CDH18: variants seen among roughly 807,000 people sequenced by gnomAD.
The protein encoded by CDH18 is cadherin 18.
In CDH18, 31 loss-of-function variants were observed where a neutral mutation model predicts 67.9. The observed-to-expected ratio is 0.46, with a 90% CI of 0.34 to 0.62. CDH18 has a LOEUF of 0.62. Ranked by LOEUF, CDH18 falls within the 20% of genes least tolerant of loss-of-function variation. CDH18 has a pLI of 0.01. For missense variants in CDH18, 890 were observed against 975.5 expected (o/e 0.91, Z 1.17); for synonymous variants, 362 against 347.2 (o/e 1.04, Z -0.48).
intron 2 of CDH18, among the ~76,000 whole-genome samples, chr5:20,097,780 G>C (rs984573202): frequency 2.6e-5 from 4 of 151,782 alleles, no homozygotes; most frequent in Admixed American, 6.6e-5. Flanking sequence ...AATTTTCTTG[G>C]TTGTATTCGA....
At chr5:20,406,033 C>T (rs2150136105) in intron 1 of CDH18, among the ~76,000 whole-genome samples, 1 of 152,222 alleles carries the variant, frequency 6.6e-6, no homozygotes, top group East Asian at 1.9e-4. Context: ...GGCGATTCCT[C>T]AGGGATCTAG....
chr5:20,127,181 A>ACT (rs1428025520), intron 2 of CDH18, among the ~76,000 whole-genome samples: 27 of 151,486 alleles, frequency 1.8e-4, no homozygotes, highest in African/African-American at 6.6e-4. Context: ...CCTGATTGTT[A>ACT]GAAAGTATGT....
At chr5:20,026,141 G>A (rs1447059988) in intron 2 of CDH18, among the ~76,000 whole-genome samples, 5 of 152,140 alleles carry the variant, frequency 3.3e-5, no homozygotes, top group Non-Finnish European at 7.3e-5. Flanking sequence ...CATGACCTGG[G>A]ATTGTTCTTA....
At chr5:20,236,990 T>C (rs1269720508) in intron 2 of CDH18, among the ~76,000 whole-genome samples, 1 of 151,914 alleles carries the variant, frequency 6.6e-6, no homozygotes, top group African/African-American at 2.4e-5. Context: ...TGCATTAAGA[T>C]AAAGATAGCT....
At chr5:20,438,102 T>C (rs563320936) in intron 1 of CDH18, among the ~76,000 whole-genome samples, 6 of 151,406 alleles carry the variant, frequency 4.0e-5, no homozygotes, top group African/African-American at 1.5e-4. Flanking sequence ...AACATCTTCC[T>C]GTTAGCAAGT....
At chr5:19,599,027 A>AT (rs543248622) in intron 6 of CDH18, among the ~76,000 whole-genome samples, 2 of 152,122 alleles carry the variant, frequency 1.3e-5, no homozygotes, top group Non-Finnish European at 2.9e-5. Context: ...CACTAAAATA[A>AT]TTTTTTTAAA....
In CDH18 at chr5:20,095,263, C is replaced by T. The variant is rs1037602647; in HGVS notation, c.-517-103249G>A. 4.2e-5 allele frequency among the ~76,000 whole-genome samples: 6 copies of T among 143,548 alleles called. 1 individual carries two copies. Among genetic ancestry groups the T allele is most frequent in the Admixed American group, 3.6e-4 (5 of 13,838 alleles). The allele number at this position is 143,548 out of a possible 152,430, so 94.2% of individuals were successfully genotyped here. A position where few individuals can be genotyped will look rare whatever the true frequency, so the allele number is the denominator to read the frequency against. ...ACACATGTATACCTATGTAACAAAC[C>T]TGCATGTTCTGCACATATATCCCAG... On this transcript the variant is annotated intron_variant, in intron 2 of 14. Transcript: ENST00000507958.
intron 2 of CDH18, among the ~76,000 whole-genome samples, chr5:20,098,836 G>A (rs991364394): frequency 6.6e-6 from 1 of 152,044 alleles, no homozygotes; most frequent in African/African-American, 2.4e-5. Context: ...ACTTGGTCAT[G>A]AATATTAAAA....
intron 1 of CDH18, among the ~76,000 whole-genome samples, chr5:20,328,369 G>A (rs550004080): frequency 1.3e-5 from 2 of 152,202 alleles, no homozygotes; most frequent in Non-Finnish European, 2.9e-5. Context: ...ATAACAGCAT[G>A]TCCTGCTGGA....
At chr5:19,795,938 T>C (rs1214955033) in intron 3 of CDH18, among the ~76,000 whole-genome samples, 1 of 151,954 alleles carries the variant, frequency 6.6e-6, no homozygotes, top group Non-Finnish European at 1.5e-5. Context: ...GAAAACAAAA[T>C]AACAGGAATG....
intron 2 of CDH18, among the ~76,000 whole-genome samples, chr5:20,037,017 TGAC>T (rs1739933697): frequency 6.6e-6 from 1 of 152,104 alleles, no homozygotes; most frequent in Non-Finnish European, 1.5e-5. Context: ...TCTTTGCACG[TGAC>T]ATGGGTCTCC....
chr5:20,154,539 C>T (rs994168623), intron 2 of CDH18, among the ~76,000 whole-genome samples: 12 of 151,996 alleles, frequency 7.9e-5, no homozygotes, highest in Admixed American at 2.0e-4. Flanking sequence ...ACATTTAATC[C>T]ATTTGAAAAT....
intron 1 of CDH18, among the ~76,000 whole-genome samples, chr5:20,398,737 A>G (rs1378869650): frequency 2.0e-5 from 3 of 150,864 alleles, no homozygotes; most frequent in Non-Finnish European, 4.4e-5. Context: ...ACCACGGCAC[A>G]CGTATACCTA....
intron 1 of CDH18, among the ~76,000 whole-genome samples, chr5:20,336,835 T>G (rs1413445131): frequency 6.6e-6 from 1 of 150,550 alleles, no homozygotes; most frequent in Non-Finnish European, 1.5e-5. Context: ...AACCTAAATG[T>G]CCTTAACTTG....
chr5:20,163,293 T>C (rs1736038364), intron 2 of CDH18, among the ~76,000 whole-genome samples: 2 of 152,060 alleles, frequency 1.3e-5, no homozygotes, highest in Non-Finnish European at 2.9e-5. Flanking sequence ...AATTACTTAG[T>C]ATTATCCAAT....
chr5:20,177,202 C>G (rs1023021854), intron 2 of CDH18, among the ~76,000 whole-genome samples: 1 of 151,918 alleles, frequency 6.6e-6, no homozygotes, highest in African/African-American at 2.4e-5. Flanking sequence ...ATTAAAAATG[C>G]AGTAGTAACA....
intron 1 of CDH18, among the ~76,000 whole-genome samples, chr5:20,556,748 G>A (rs76613666): frequency 0.027 from 4,114 of 152,230 alleles, 95 homozygotes; most frequent in African/African-American, 0.064. Flanking sequence ...TTAAGAAGGT[G>A]TTAAGTTAAT....
chr5:20,387,610 T>C (rs1690909683), intron 1 of CDH18, among the ~76,000 whole-genome samples: 3 of 152,004 alleles, frequency 2.0e-5, no homozygotes, highest in South Asian at 2.1e-4. Flanking sequence ...CTATGTTGAA[T>C]AGGAGTGGTG....
intron 1 of CDH18, among the ~76,000 whole-genome samples, chr5:20,287,524 T>G (rs1746777366): frequency 6.6e-6 from 1 of 151,724 alleles, no homozygotes; most frequent in Non-Finnish European, 1.5e-5. Flanking sequence ...AAATTAAGCA[T>G]TACACATTTA....
Sources: gnomAD v4.1 joint callset for allele counts (sites outside exome capture counted in the v4.1 genomes callset) on GRCh38, gnomAD v4.1.1 for gene constraint, MANE v1.5 for transcripts, NCBI Gene and HGNC (gene_info 2026-07-23, HGNC 2026-07-21) for gene names.